DAB1: variants seen among roughly 807,000 people sequenced by gnomAD.
The protein encoded by DAB1 is disabled homolog 1.
A neutral mutation model predicts 64.6 loss-of-function variants in DAB1; 15 were observed. That is an observed-to-expected ratio of 0.23 (90% confidence interval 0.16 to 0.36). The LOEUF (loss-of-function observed/expected upper bound fraction) is 0.36. Ranked by LOEUF, DAB1 falls within the 10% of genes least tolerant of loss-of-function variation. The pLI, the probability that DAB1 is intolerant of heterozygous loss-of-function variation, is 1.00. For missense variants in DAB1, 596 were observed against 706.7 expected (o/e 0.84, Z 1.78); for synonymous variants, 235 against 251.9 (o/e 0.93, Z 0.64).
At chr1:57,324,471 G>A (rs915537694) in intron 1 of DAB1, among the ~76,000 whole-genome samples, 1 of 152,062 alleles carries the variant, frequency 6.6e-6, no homozygotes, top group Non-Finnish European at 1.5e-5. Flanking sequence ...AAAACCAAGA[G>A]ATTTTTCCCC....
chr1:57,606,551 A>ATT (rs1558535294), intron 7 of DAB1, among the ~76,000 whole-genome samples: 8 of 114,334 alleles, frequency 7.0e-5, no homozygotes, highest in African/African-American at 2.5e-4. Flanking sequence ...TATATAATAT[A>ATT]ATATATTATA....
chr1:57,387,487 CA>C (rs1681969606), intron 1 of DAB1: 1 of 152,056 alleles, frequency 6.6e-6, no homozygotes, highest in East Asian at 1.9e-4. Flanking sequence ...TATGTACACA[CA>C]CACACACACG....
chr1:57,264,132 A>T (rs1025790266), intron 2 of DAB1, among the ~76,000 whole-genome samples: 1 of 152,138 alleles, frequency 6.6e-6, no homozygotes. Context: ...AGCTTCCCAA[A>T]CTGTGAACTC....
intron 2 of DAB1, among the ~76,000 whole-genome samples, chr1:57,249,494 C>T (rs138439526): frequency 1.3e-3 from 197 of 152,264 alleles, no homozygotes; most frequent in African/African-American, 4.4e-3. Flanking sequence ...ACCTTAGTCC[C>T]GCAAGTATCT....
At chr1:57,560,999 G>T (rs1645043813) in intron 7 of DAB1, among the ~76,000 whole-genome samples, 1 of 152,178 alleles carries the variant, frequency 6.6e-6, no homozygotes, top group Non-Finnish European at 1.5e-5. Context: ...CATAAAGTGG[G>T]TCATGCACAG....
At chr1:58,317,957 G>A (rs1031464473) in intron 4 of DAB1, among the ~76,000 whole-genome samples, 2 of 152,186 alleles carry the variant, frequency 1.3e-5, no homozygotes, top group African/African-American at 4.8e-5. Context: ...TGTGTCTCTT[G>A]ATCTTTAATG....
intron 3 of DAB1, among the ~76,000 whole-genome samples, chr1:58,413,063 G>A (rs563100658): frequency 1.9e-4 from 29 of 152,284 alleles, no homozygotes; most frequent in East Asian, 1.4e-3. Context: ...GCTGGCGATC[G>A]TCCCTGGACA....
intron 2 of DAB1, among the ~76,000 whole-genome samples, chr1:57,192,038 C>G (rs774328951): frequency 3.9e-5 from 6 of 152,044 alleles, no homozygotes; most frequent in Non-Finnish European, 8.8e-5. Flanking sequence ...GTGGCTAAGG[C>G]TGGGCACGAT....
At chr1:57,959,184 T>C (rs895286165) in intron 5 of DAB1, among the ~76,000 whole-genome samples, 2 of 152,206 alleles carry the variant, frequency 1.3e-5, no homozygotes, top group Non-Finnish European at 1.5e-5. Context: ...TTCCTTAACC[T>C]TTCATTGAGC....
chr1:58,531,954 A>G (rs1847350), intron 1 of DAB1, among the ~76,000 whole-genome samples: 17,657 of 151,708 alleles, frequency 0.12, 1,221 homozygotes, highest in African/African-American at 0.18. Flanking sequence ...TGATCCACCC[A>G]CCTCAGCCTC....
intron 4 of DAB1, among the ~76,000 whole-genome samples, chr1:57,093,266 G>A (rs1052345550): frequency 4.6e-5 from 7 of 152,184 alleles, no homozygotes; most frequent in African/African-American, 1.7e-4. Flanking sequence ...GCACCTTGTG[G>A]AGTGGAAAAA....
At chr1:57,553,034 C>T (rs1206278244) in intron 7 of DAB1, among the ~76,000 whole-genome samples, 2 of 151,892 alleles carry the variant, frequency 1.3e-5, no homozygotes, top group Non-Finnish European at 2.9e-5. Context: ...GTACGTGGCT[C>T]CTGCTGCTGA....
rs550617800 is a variant in DAB1 at position 57,912,867 on chromosome 1, C to T, written n.388-28705G>A. On this transcript the variant is annotated intron_variant and non_coding_transcript_variant, in intron 5 of 20. Transcript: ENST00000485760. ...AATTGCTTCAAAGAGACTAAAATAC[C>T]TAGGAATCCAACTTACAAGGGATGT... Among the ~76,000 whole-genome samples, 430 of 152,252 alleles carry T rather than the reference C, an allele frequency of 2.8e-3. 4 individuals carry two copies. Among genetic ancestry groups the T allele is most frequent in the African/African-American group, 0.01 (416 of 41,546 alleles).
At chr1:58,120,631 C>T (rs1652679479) in intron 5 of DAB1, among the ~76,000 whole-genome samples, 1 of 152,172 alleles carries the variant, frequency 6.6e-6, no homozygotes, top group African/African-American at 2.4e-5. Flanking sequence ...TCTAACAAGG[C>T]AATGGCACTA....
At chr1:58,179,949 TAATTATA>T (rs1180325621) in intron 4 of DAB1, among the ~76,000 whole-genome samples, 2 of 152,122 alleles carry the variant, frequency 1.3e-5, no homozygotes. Flanking sequence ...AACAACACTA[TAATTATA>T]AAAATAACAC....
intron 2 of DAB1, among the ~76,000 whole-genome samples, chr1:57,285,761 C>G (rs1305327951): frequency 6.6e-6 from 1 of 152,210 alleles, no homozygotes; most frequent in Admixed American, 6.5e-5. Flanking sequence ...GCTCTTTCCA[C>G]TACACTAAGC....
chr1:57,224,717 AG>A (rs1459000264), intron 2 of DAB1, among the ~76,000 whole-genome samples: 1 of 152,218 alleles, frequency 6.6e-6, no homozygotes, highest in Non-Finnish European at 1.5e-5. Flanking sequence ...CCTGGCATAG[AG>A]CTTCCAAATC....
chr1:58,222,587 C>A (rs1020375668), intron 4 of DAB1, among the ~76,000 whole-genome samples: 1 of 152,198 alleles, frequency 6.6e-6, no homozygotes, highest in African/African-American at 2.4e-5. Flanking sequence ...TCCTCCTAAC[C>A]TTTTCCCCAT....
At chr1:57,729,894 CTAAAATAAAA>C (rs1014824273) in intron 6 of DAB1, among the ~76,000 whole-genome samples, 4 of 148,116 alleles carry the variant, frequency 2.7e-5, no homozygotes, top group East Asian at 3.9e-4. Context: ...GACCCCATCT[CTAAAATAAAA>C]TAAAATAAAA....
Sources: gnomAD v4.1 joint callset for allele counts (sites outside exome capture counted in the v4.1 genomes callset) on GRCh38, gnomAD v4.1.1 for gene constraint, MANE v1.5 for transcripts, NCBI Gene and HGNC (gene_info 2026-07-23, HGNC 2026-07-21) for gene names.